Variants in SH3PXD2B observed in about 807,000 individuals in gnomAD.
The protein encoded by SH3PXD2B is SH3 and PX domains 2B.
Under a neutral mutation model 73.1 loss-of-function variants are expected in SH3PXD2B, and 37 were observed. That is an observed-to-expected ratio of 0.51 (90% CI 0.39 to 0.67). The LOEUF is 0.67. Ranked by LOEUF, SH3PXD2B falls within the 30% of genes least tolerant of loss-of-function variation. SH3PXD2B has a pLI of 0.00. For missense variants in SH3PXD2B, 1,053 were observed against 1,197.8 expected (o/e 0.88, Z 1.78); for synonymous variants, 457 against 480.5 (o/e 0.95, Z 0.64).
intron 12 of SH3PXD2B, among the ~76,000 whole-genome samples, chr5:172,341,611 G>A (rs891391850): frequency 1.3e-5 from 2 of 152,146 alleles, no homozygotes; most frequent in African/African-American, 4.8e-5. Context: ...TATGAGTCAA[G>A]TAAACCTCTT....
At chr5:172,382,797 C>T (rs1002418798) in intron 4 of SH3PXD2B, among the ~76,000 whole-genome samples, 3 of 152,108 alleles carry the variant, frequency 2.0e-5, no homozygotes, top group Admixed American at 6.6e-5. Context: ...GGTGCAGCCT[C>T]GGCTCACCAC....
At chr5:172,390,620 C>T (rs1581301352) in intron 4 of SH3PXD2B, among the ~76,000 whole-genome samples, 2 of 152,308 alleles carry the variant, frequency 1.3e-5, no homozygotes, top group East Asian at 1.9e-4. Flanking sequence ...TGTATCCATG[C>T]ACCAGCTGAT....
Position 172,353,350 on chromosome 5 carries a change from C to G in SH3PXD2B, c.785+538G>C, listed in dbSNP as rs1431592408. On this transcript the variant is annotated intron_variant, in intron 9 of 12. Coordinates refer to ENST00000311601, the MANE Select transcript of SH3PXD2B (RefSeq NM_001017995.3). The surrounding 1 kb of genome is among the most constrained non-coding windows in gnomAD (Gnocchi z 4.3). Reference sequence around the variant, plus strand: ...CAGGACTTTCATTACTAAAACCAGGCAAGGCAGGACGAGCTGGCCACCCTG... The same window carrying G: ...CAGGACTTTCATTACTAAAACCAGGGAAGGCAGGACGAGCTGGCCACCCTG... 6.6e-6 allele frequency among the ~76,000 whole-genome samples: 1 copy of G among 152,202 alleles called. No homozygotes were observed. Among genetic ancestry groups the G allele is most frequent in the African/African-American group, 2.4e-5 (1 of 41,436 alleles).
At chr5:172,417,468 T>C (rs537880314) in intron 2 of SH3PXD2B, among the ~76,000 whole-genome samples, 2 of 152,310 alleles carry the variant, frequency 1.3e-5, no homozygotes, top group East Asian at 3.9e-4. Flanking sequence ...TGAAGCCAAT[T>C]TCCTTAGACT....
At chr5:172,399,687 C>T (rs1350375208) in intron 3 of SH3PXD2B, among the ~76,000 whole-genome samples, 1 of 152,142 alleles carries the variant, frequency 6.6e-6, no homozygotes, top group East Asian at 1.9e-4. Flanking sequence ...AAAATCTCAC[C>T]ATTTCTATTA....
chr5:172,344,869 T>A (rs530783616), intron 12 of SH3PXD2B, among the ~76,000 whole-genome samples: 10 of 151,714 alleles, frequency 6.6e-5, no homozygotes, highest in Non-Finnish European at 7.4e-5. Context: ...CTGGGCCAGA[T>A]GTTGTGCCTG....
chr5:172,338,668 C>A lies in SH3PXD2B; in HGVS notation c.2437G>T (p.Gly813Trp), dbSNP rs376893926. 1 of 1,614,208 alleles carries A rather than the reference C, an allele frequency of 6.2e-7. No homozygotes were observed. Among genetic ancestry groups the A allele is most frequent in the South Asian group, 1.1e-5 (1 of 91,078 alleles). Residue 813 changes from glycine (G) to tryptophan (W), a missense_variant, in exon 13 of 13, where the codon GGG (glycine) becomes TGG (tryptophan). Physicochemically the swap from Gly to Trp is radical, Grantham distance 184. This residue lies in a region of SH3PXD2B where 587 missense variants were observed against 590.7 expected (regional missense o/e 0.99). Transcript: ENST00000311601. This position sits in a 1 kb window ranked among gnomAD's most constrained non-coding sequence, Gnocchi z 5.1. ...TTGCCTCGCGTGTCATCCTGGCCCC[C>A]CAAAGAGTTGGAGAGAAAAGGTTTG... Reference protein sequence around the residue: ...KAKPFLSNSLGGQDDTRGKGS... With the variant: ...KAKPFLSNSLWGQDDTRGKGS...
chr5:172,448,146 G>T (rs1350414986), intron 1 of SH3PXD2B, among the ~76,000 whole-genome samples: 7 of 152,208 alleles, frequency 4.6e-5, no homozygotes, highest in Non-Finnish European at 5.9e-5. Flanking sequence ...GGTAGGAATG[G>T]CTCTGCCTTG....
At chr5:172,408,886 A>C (rs1758626157) in intron 2 of SH3PXD2B, among the ~76,000 whole-genome samples, 1 of 150,122 alleles carries the variant, frequency 6.7e-6, no homozygotes, top group Admixed American at 6.6e-5. Context: ...TTTAATTGAC[A>C]CATAATAATT....
intron 1 of SH3PXD2B, among the ~76,000 whole-genome samples, chr5:172,454,044 G>A (rs941017192): frequency 6.6e-6 from 1 of 151,562 alleles, no homozygotes; most frequent in African/African-American, 2.4e-5. Flanking sequence ...GCGAGTAGGG[G>A]GGCGAGGCGG....
At chr5:172,440,663 G>A (rs1759534858) in intron 1 of SH3PXD2B, among the ~76,000 whole-genome samples, 1 of 152,190 alleles carries the variant, frequency 6.6e-6, no homozygotes, top group South Asian at 2.1e-4. Flanking sequence ...GGGAATCTCA[G>A]TAGGGAGCCA....
intron 6 of SH3PXD2B, among the ~76,000 whole-genome samples, chr5:172,370,855 G>A (rs527580710): frequency 2.6e-5 from 4 of 152,316 alleles, no homozygotes; most frequent in Middle Eastern, 3.4e-3. Context: ...CTGGTGGAGC[G>A]TGATATTGCA....
intron 10 of SH3PXD2B, among the ~76,000 whole-genome samples, chr5:172,349,533 G>C (rs1473111419): frequency 6.6e-6 from 1 of 152,182 alleles, no homozygotes. Flanking sequence ...TGTTGGAGTA[G>C]AGCCCACAAG....
chr5:172,348,654 C>CTATCCTATCTATCTATCTATCTATCTAT (rs1440672001), intron 10 of SH3PXD2B, among the ~76,000 whole-genome samples: 1 of 60,398 alleles, frequency 1.7e-5, no homozygotes, highest in African/African-American at 6.3e-5. Flanking sequence ...ATCTATCTAT[C>CTATCCTATCTATCTATCTATCTATCTAT]CTATCTATCT....
intron 2 of SH3PXD2B, among the ~76,000 whole-genome samples, chr5:172,418,824 C>G (rs1004488900): frequency 2.6e-5 from 4 of 152,166 alleles, no homozygotes; most frequent in Admixed American, 2.0e-4. Context: ...CAGTTATTAC[C>G]GATTATGCTG....
chr5:172,364,794 G>A (rs965953513), intron 6 of SH3PXD2B, among the ~76,000 whole-genome samples: 1 of 152,174 alleles, frequency 6.6e-6, no homozygotes, highest in Admixed American at 6.5e-5. Flanking sequence ...GTGGTGTCTT[G>A]TTGGTAGCTC....
Position 172,350,411 on chromosome 5 carries a change from C to T in SH3PXD2B, c.964G>A (p.Asp322Asn). 1 of 1,614,040 alleles carries T rather than the reference C, an allele frequency of 6.2e-7. No individual in the cohort carries two copies. The highest frequency in any genetic ancestry group is 8.5e-7 in the Non-Finnish European group (1 of 1,180,030). ...ACCGGGCGGCCTTCAAACCGCCCGT[C>T]CCTCTGGCTGCTGAGCAGCTCCTTC... ...REKELLSSQR[D>N]GRFEGRPVPD... The change falls in exon 10 of 13, where the codon GAC becomes AAC. Residue 322 changes from aspartate to asparagine, a missense_variant. By Grantham distance (23) the Asp-to-Asn change is conservative. This residue lies in a region of SH3PXD2B where 466 missense variants were observed against 607.1 expected (regional missense o/e 0.77). Coordinates refer to ENST00000311601, the MANE Select transcript of SH3PXD2B (RefSeq NM_001017995.3).
At chr5:172,326,959 C>T (rs1017879432) in intron 12 of SH3PXD2B, among the ~76,000 whole-genome samples, 2 of 150,198 alleles carry the variant, frequency 1.3e-5, no homozygotes, top group Non-Finnish European at 2.9e-5. Flanking sequence ...TGGGTTCAAG[C>T]GATTCTCCTG....
intron 4 of SH3PXD2B, among the ~76,000 whole-genome samples, chr5:172,383,984 T>C (rs1758003914): frequency 6.6e-6 from 1 of 152,014 alleles, no homozygotes; most frequent in Non-Finnish European, 1.5e-5. Context: ...GTAGCTGGGA[T>C]TACAGGCGCA....
Sources: gnomAD v4.1 joint callset for allele counts (sites outside exome capture counted in the v4.1 genomes callset) on GRCh38, gnomAD v4.1.1 for gene constraint, gnomAD v4.1.1 regional missense constraint, Gnocchi (gnomAD v3.1) non-coding constraint, MANE v1.5 for transcripts, NCBI Gene and HGNC (gene_info 2026-07-23, HGNC 2026-07-21) for gene names.